The following PLCB1 variants were observed in gnomAD, a reference collection of about 807,000 sequenced individuals.
The protein encoded by PLCB1 is phospholipase C beta 1.
In PLCB1, 46 loss-of-function variants were observed where a neutral mutation model predicts 161.8. That is an observed-to-expected ratio of 0.28 (90% confidence interval 0.22 to 0.36). PLCB1 has a LOEUF of 0.36. PLCB1 is among the 10% of genes least tolerant of loss of function. The pLI is 1.00. For synonymous variants in PLCB1, 517 were observed against 503.7 expected (o/e 1.03, Z -0.35); for missense variants, 1,016 against 1,472.5 (o/e 0.69, Z 5.07).
intron 31 of PLCB1, among the ~76,000 whole-genome samples, chr20:8,851,320 A>T (rs138111826): frequency 1.3e-5 from 2 of 152,306 alleles, no homozygotes; most frequent in Non-Finnish European, 2.9e-5. Context: ...AGTCATTTGC[A>T]TTTAATAACT....
chr20:8,301,549 G>A (rs1012749165), intron 2 of PLCB1, among the ~76,000 whole-genome samples: 1 of 152,030 alleles, frequency 6.6e-6, no homozygotes, highest in Admixed American at 6.6e-5. Flanking sequence ...ACCATGACCC[G>A]CCATTCCACG....
At chr20:8,765,947 G>A (rs1982294098) in intron 26 of PLCB1, among the ~76,000 whole-genome samples, 1 of 152,154 alleles carries the variant, frequency 6.6e-6, no homozygotes, top group African/African-American at 2.4e-5. Flanking sequence ...CCAAAGTGCT[G>A]GGATTACAGG....
At chr20:8,541,961 C>T (rs1985351303) in intron 3 of PLCB1, among the ~76,000 whole-genome samples, 1 of 152,160 alleles carries the variant, frequency 6.6e-6, no homozygotes, top group Non-Finnish European at 1.5e-5. Flanking sequence ...CTTCATTACC[C>T]AGCTGTTAGT....
chr20:8,348,291 A>G (rs1245432324), intron 2 of PLCB1, among the ~76,000 whole-genome samples: 1 of 152,178 alleles, frequency 6.6e-6, no homozygotes, highest in Non-Finnish European at 1.5e-5. Flanking sequence ...TGCACGAAGG[A>G]AGGTACTTCC....
chr20:8,449,175 G>T (rs188637005), intron 3 of PLCB1, among the ~76,000 whole-genome samples: 106 of 152,296 alleles, frequency 7.0e-4, no homozygotes, highest in African/African-American at 2.5e-3. Context: ...GAATGCTTAT[G>T]ACATACCAGG....
chr20:8,545,100 T>A (rs1394672973), intron 3 of PLCB1, among the ~76,000 whole-genome samples: 1 of 152,194 alleles, frequency 6.6e-6, no homozygotes, highest in Non-Finnish European at 1.5e-5. Context: ...GTGGAAACTA[T>A]AAGACAAAAA....
intron 3 of PLCB1, among the ~76,000 whole-genome samples, chr20:8,587,079 A>G (rs1245307326): frequency 6.6e-6 from 1 of 152,172 alleles, no homozygotes; most frequent in Non-Finnish European, 1.5e-5. Context: ...TTTACCCACC[A>G]TAAATGTTAT....
At chr20:8,330,752 C>T (rs1985336199) in intron 2 of PLCB1, among the ~76,000 whole-genome samples, 1 of 152,156 alleles carries the variant, frequency 6.6e-6, no homozygotes, top group African/African-American at 2.4e-5. Flanking sequence ...GGTGTCTGGA[C>T]ATTTTCATGC....
intron 3 of PLCB1, among the ~76,000 whole-genome samples, chr20:8,501,870 T>C (rs1336967452): frequency 2.6e-3 from 4 of 1,530 alleles, no homozygotes; most frequent in East Asian, 9.3e-3. Flanking sequence ...ATCGCATATA[T>C]ATATATATAT....
At position 8,158,108 on chromosome 20, in the gene PLCB1, G is replaced by T. The variant is rs1369147801; in HGVS notation, c.177+7737G>T. Among the ~76,000 whole-genome samples, 3 of 152,174 alleles carry T rather than the reference G, an allele frequency of 2.0e-5. No individual in the cohort carries two copies. In the East Asian group the frequency reaches 5.8e-4, roughly 29 times the overall value. ...TTTGTACTTTTTGATGCCAAAAAAT[G>T]GTTCGAGCCATTGGATTGGCAGAAT... On this transcript the variant is annotated intron_variant, in intron 2 of 31. Transcript: ENST00000338037.
At chr20:8,205,752 G>A (rs1173168524) in intron 2 of PLCB1, among the ~76,000 whole-genome samples, 1 of 152,054 alleles carries the variant, frequency 6.6e-6, no homozygotes, top group Admixed American at 6.6e-5. Flanking sequence ...TTATTTACAG[G>A]TATAATTATA....
intron 3 of PLCB1, among the ~76,000 whole-genome samples, chr20:8,467,359 T>C (rs1981867055): frequency 6.6e-6 from 1 of 152,208 alleles, no homozygotes; most frequent in Non-Finnish European, 1.5e-5. Flanking sequence ...ATTTGACTTA[T>C]AAATCCACCT....
At chr20:8,830,840 A>AT (rs1157115023) in intron 31 of PLCB1, among the ~76,000 whole-genome samples, 1 of 152,102 alleles carries the variant, frequency 6.6e-6, no homozygotes, top group Admixed American at 6.5e-5. Context: ...GAATCCCTTG[A>AT]TTTTCAGACA....
intron 3 of PLCB1, among the ~76,000 whole-genome samples, chr20:8,568,242 A>G (rs911032857): frequency 5.9e-5 from 9 of 152,174 alleles, no homozygotes; most frequent in Non-Finnish European, 1.0e-4. Context: ...AAACATTCCT[A>G]TTGCTGTTGG....
At chr20:8,291,692 C>T (rs748211387) in intron 2 of PLCB1, among the ~76,000 whole-genome samples, 19 of 152,132 alleles carry the variant, frequency 1.2e-4, no homozygotes, top group Non-Finnish European at 2.5e-4. Context: ...TCACCGTGTG[C>T]CAGACCATAC....
intron 31 of PLCB1, among the ~76,000 whole-genome samples, chr20:8,835,840 A>C (rs551504847): frequency 6.6e-6 from 1 of 151,486 alleles, no homozygotes; most frequent in African/African-American, 2.4e-5. Context: ...ATAACAAACC[A>C]CTTCAAAACT....
At chr20:8,332,895 C>A (rs1258593538) in intron 2 of PLCB1, among the ~76,000 whole-genome samples, 1 of 152,200 alleles carries the variant, frequency 6.6e-6, no homozygotes, top group Non-Finnish European at 1.5e-5. Context: ...CTTTTAGGAT[C>A]TTATTTGACT....
chr20:8,348,949 A>G (rs1333455983), intron 2 of PLCB1, among the ~76,000 whole-genome samples: 4 of 152,184 alleles, frequency 2.6e-5, no homozygotes, highest in Non-Finnish European at 5.9e-5. Flanking sequence ...GCTTTCTTCA[A>G]CATGAAGAAA....
chr20:8,496,863 A>G (rs143841236), intron 3 of PLCB1, among the ~76,000 whole-genome samples: 1 of 152,026 alleles, frequency 6.6e-6, no homozygotes, highest in African/African-American at 2.4e-5. Flanking sequence ...ATTAACCTTC[A>G]TGCTCATTTT....
Sources: gnomAD v4.1 joint callset for allele counts (sites outside exome capture counted in the v4.1 genomes callset) on GRCh38, gnomAD v4.1.1 for gene constraint, MANE v1.5 for transcripts, NCBI Gene and HGNC (gene_info 2026-07-23, HGNC 2026-07-21) for gene names.